Variants in TRIM71 observed in about 807,000 individuals in gnomAD.
TRIM71 encodes the protein tripartite motif containing 71, also known as E3 ubiquitin-protein ligase TRIM71.
In TRIM71, 9 loss-of-function variants were observed where a neutral mutation model predicts 61.2. The ratio of observed to expected loss-of-function variants is 0.15; its 90% confidence interval spans 0.09 to 0.26. The LOEUF (loss-of-function observed/expected upper bound fraction) is 0.26, where lower values mean the gene tolerates loss of function less well. Ranked by LOEUF, TRIM71 falls within the 10% of genes least tolerant of loss-of-function variation. The pLI, the probability that TRIM71 is intolerant of heterozygous loss-of-function variation, is 1.00. For synonymous variants in TRIM71, 645 were observed against 553.2 expected, an observed-to-expected ratio of 1.17 and a Z score of -2.33; for missense variants, 998 against 1,238.7, an observed-to-expected ratio of 0.81 and a Z score of 2.92.
Position 32,891,239 on chromosome 3 carries a change from A to G in TRIM71, c.2035A>G (p.Ile679Val). 1 of 1,613,554 alleles carries G rather than the reference A, an allele frequency of 6.2e-7. No individual in the cohort carries two copies. The change falls in exon 4 of 4, where the codon ATC becomes GTC. Residue 679 changes from isoleucine (I) to valine (V), a missense_variant. Coordinates refer to ENST00000383763, the MANE Select transcript of TRIM71 (RefSeq NM_001039111.3). The surrounding 1 kb of genome is among the most constrained non-coding windows in gnomAD (Gnocchi z 8.2). ...VADKDNHRIQIFTFEGQFLLK... is the reference protein window; with the variant it reads ...VADKDNHRIQVFTFEGQFLLK... ...TGACAAGGACAATCATCGCATCCAGATCTTCACGTTCGAGGGCCAGTTCCT... is the reference window on the plus strand; with the variant it reads ...TGACAAGGACAATCATCGCATCCAGGTCTTCACGTTCGAGGGCCAGTTCCT...
intron 1 of TRIM71, among the ~76,000 whole-genome samples, chr3:32,871,913 G>C (rs1195656043): frequency 6.6e-6 from 1 of 152,232 alleles, no homozygotes; most frequent in Non-Finnish European, 1.5e-5. Context: ...GGAGGCCAAG[G>C]TGGGTGGATC....
At chr3:32,875,586 A>G (rs963907293) in intron 2 of TRIM71, among the ~76,000 whole-genome samples, 2 of 152,184 alleles carry the variant, frequency 1.3e-5, no homozygotes, top group Non-Finnish European at 2.9e-5. Flanking sequence ...CGCCTGTGTA[A>G]TCCTAGCACG....
chr3:32,831,995 C>T (rs1379714286), intron 1 of TRIM71, among the ~76,000 whole-genome samples: 2 of 152,024 alleles, frequency 1.3e-5, no homozygotes, highest in African/African-American at 4.8e-5. Context: ...GAATTGTGGT[C>T]TTTGCTAAAG....
chr3:32,838,169 G>A (rs2125678148), intron 1 of TRIM71, among the ~76,000 whole-genome samples: 1 of 152,262 alleles, frequency 6.6e-6, no homozygotes, highest in African/African-American at 2.4e-5. Context: ...CATGGATAAT[G>A]ATGTACATGT....
intron 1 of TRIM71, 92 bp from the exon 2 acceptor site, chr3:32,873,726 C>A: frequency 8.0e-7 from 1 of 1,251,542 alleles, no homozygotes; most frequent in Non-Finnish European, 1.1e-6. Flanking sequence ...GCTGGTCGTT[C>A]GGTTGTGAGA....
intron 1 of TRIM71, among the ~76,000 whole-genome samples, chr3:32,841,552 G>A (rs1160884882): frequency 1.3e-5 from 2 of 151,756 alleles, no homozygotes; most frequent in Admixed American, 6.6e-5. Flanking sequence ...CGTGTGCAGT[G>A]AAGCAAGATT....
intron 1 of TRIM71, among the ~76,000 whole-genome samples, chr3:32,844,217 G>T (rs886825784): frequency 3.3e-5 from 5 of 152,080 alleles, no homozygotes; most frequent in African/African-American, 1.2e-4. Context: ...AACTGGGGTG[G>T]GGCTCAAATT....
rs760552004 is a variant in TRIM71 at position 32,885,925 on chromosome 3, GT to G, written c.1021-5del. The G allele has an allele frequency of 7.5e-6, 12 of 1,606,526 alleles. No individual in the cohort carries two copies. Among genetic ancestry groups the G allele is most frequent in the Non-Finnish European group, 8.5e-6 (10 of 1,177,830 alleles). ...AATGCCTCGAAGTTGTTTCTTTTTG[GT>G]TTTCCAGCTGAGCATCGAGCAGGCC... is the stretch of plus-strand genomic sequence containing the variant. On this transcript the variant is annotated splice_region_variant and splice_polypyrimidine_tract_variant and intron_variant, in intron 2 of 3. Transcript: ENST00000383763.
intron 3 of TRIM71, among the ~76,000 whole-genome samples, chr3:32,887,782 C>G (rs1239432751): frequency 1.3e-5 from 2 of 152,086 alleles, no homozygotes; most frequent in African/African-American, 4.8e-5. Context: ...TTTAATCTGT[C>G]CCCACGTGGG....
intron 1 of TRIM71, among the ~76,000 whole-genome samples, chr3:32,844,083 C>G (rs1033812895): frequency 2.0e-4 from 30 of 152,186 alleles, no homozygotes; most frequent in African/African-American, 7.2e-4. Flanking sequence ...ATGTGCTTAC[C>G]CATGCTTTCT....
intron 1 of TRIM71, among the ~76,000 whole-genome samples, chr3:32,859,098 C>T (rs1696638083): frequency 6.6e-6 from 1 of 152,120 alleles, no homozygotes; most frequent in Admixed American, 6.6e-5. Context: ...TTTCCTGTTT[C>T]ACAAGTTCTG....
chr3:32,850,530 T>C (rs1252409465), intron 1 of TRIM71, among the ~76,000 whole-genome samples: 3 of 152,212 alleles, frequency 2.0e-5, no homozygotes. Context: ...ATGGAAATTG[T>C]CAGATTGTCA....
At position 32,862,193 on chromosome 3, in the gene TRIM71, G is replaced by A. The variant is rs1696679154; in HGVS notation, c.853-11625G>A. 5.3e-5 allele frequency among the ~76,000 whole-genome samples: 8 copies of A among 152,318 alleles called. No individual in the cohort carries two copies. The South Asian group carries it at 1.0e-3, about 20-fold the overall frequency. On this transcript the variant is annotated intron_variant, in intron 1 of 3. Transcript: ENST00000383763. ...CCTAATCAAGACAGAAGGCAACTAA[G>A]TAATGCAGGGGACAAGGACACAAGA...
At chr3:32,833,181 CTTT>C (rs1303570611) in intron 1 of TRIM71, among the ~76,000 whole-genome samples, 10 of 20,934 alleles carry the variant, frequency 4.8e-4, no homozygotes, top group Non-Finnish European at 7.6e-4. Flanking sequence ...GAAACTCTGT[CTTT>C]AAAAAAAAAA....
intron 1 of TRIM71, among the ~76,000 whole-genome samples, chr3:32,872,622 A>G (rs1451172328): frequency 6.6e-6 from 1 of 152,126 alleles, no homozygotes; most frequent in Admixed American, 6.5e-5. Flanking sequence ...ATCGCCTGGA[A>G]TCTCACATCC....
intron 1 of TRIM71, among the ~76,000 whole-genome samples, chr3:32,859,235 A>G (rs956465040): frequency 1.3e-5 from 2 of 152,186 alleles, no homozygotes; most frequent in Non-Finnish European, 2.9e-5. Context: ...GAGGAAAAAC[A>G]TGATGAGTGG....
At position 32,873,832 on chromosome 3, in the gene TRIM71, C is replaced by T. The variant is rs1279611077; in HGVS notation, c.867C>T (p.Tyr289=). ...CTTGTCCCCAGGTGCTGCACCTGTA[C>T]TGTGACACTTGCTCTGTACCCATCT... ...QHHDDEVLHL[Y]CDTCSVPICR... is the part of the protein sequence containing the mutation. The change falls in exon 2 of 4, where the codon TAC becomes TAT. Residue 289 remains tyrosine, a synonymous_variant. Transcript: ENST00000383763. 5 of 1,600,166 alleles carry T rather than the reference C, an allele frequency of 3.1e-6. No homozygotes were observed. In the South Asian group the frequency reaches 4.5e-5, roughly 14 times the overall value.
chr3:32,833,184 TAAAAAAAAAAAAAAAAAAAA>T (rs1182178339), intron 1 of TRIM71, among the ~76,000 whole-genome samples: 1 of 54,428 alleles, frequency 1.8e-5, no homozygotes, highest in Admixed American at 2.6e-4. Flanking sequence ...ACTCTGTCTT[TAAAAAAAAAAAAAAAAAAAA>T]AAAAAAAAGA....
intron 1 of TRIM71, among the ~76,000 whole-genome samples, chr3:32,829,192 T>A (rs536466639): frequency 6.7e-6 from 1 of 149,380 alleles, no homozygotes; most frequent in African/African-American, 2.4e-5. Flanking sequence ...TTTCTTTTTT[T>A]TTTTTTTTTG....
Sources: gnomAD v4.1 joint callset for allele counts (sites outside exome capture counted in the v4.1 genomes callset) on GRCh38, gnomAD v4.1.1 for gene constraint, Gnocchi (gnomAD v3.1) non-coding constraint, MANE v1.5 for transcripts, NCBI Gene and HGNC (gene_info 2026-07-23, HGNC 2026-07-21) for gene names.